RPTOR: variants seen among roughly 807,000 people sequenced by gnomAD.
The protein encoded by RPTOR is regulatory-associated protein of mTOR.
A neutral mutation model predicts 169.9 loss-of-function variants in RPTOR; 21 were observed. The observed-to-expected ratio is 0.12, with a 90% CI of 0.09 to 0.18. RPTOR has a LOEUF of 0.18. RPTOR is among the 10% of genes least tolerant of loss of function. The pLI is 1.00. For missense variants in RPTOR, 1,133 were observed against 1,855.9 expected, an observed-to-expected ratio of 0.61 and a Z score of 7.16; for synonymous variants, 732 against 753.2, an observed-to-expected ratio of 0.97 and a Z score of 0.46.
chr17:80,639,986 G>A (rs1567834281), intron 2 of RPTOR, among the ~76,000 whole-genome samples: 1 of 152,212 alleles, frequency 6.6e-6, no homozygotes. Context: ...TGTCCCATGA[G>A]GTGGGTTGGA....
intron 10 of RPTOR, among the ~76,000 whole-genome samples, chr17:80,839,806 C>T (rs1433381908): frequency 6.6e-6 from 1 of 152,206 alleles, no homozygotes; most frequent in Non-Finnish European, 1.5e-5. Context: ...TAAAATAATG[C>T]AGTTTCTATT....
Position 80,867,676 on chromosome 17 carries a change from G to C in RPTOR, c.1509+9776G>C, listed in dbSNP as rs926989313. 2.6e-4 allele frequency among the ~76,000 whole-genome samples: 40 copies of C among 152,206 alleles called. 1 individual carries two copies. The highest frequency in any genetic ancestry group is 9.6e-4 in the African/African-American group (40 of 41,518). The stretch of plus-strand genomic sequence containing the variant: ...TAGAAAAAATTTAGTAAGTTTGCAG[G>C]TTATAAGATCAATATACAAAAATCA... On this transcript the variant is annotated intron_variant, in intron 13 of 33. Coordinates refer to ENST00000306801, the MANE Select transcript of RPTOR (RefSeq NM_020761.3).
chr17:80,896,317 T>C (rs60189970), intron 20 of RPTOR, among the ~76,000 whole-genome samples: 109,620 of 150,612 alleles, frequency 0.73, 40,320 homozygotes, highest in Admixed American at 0.79. Context: ...GCTCCATTCT[T>C]AGCAGCACCC....
intron 8 of RPTOR, 105 bp from the exon 9 acceptor site, chr17:80,822,974 A>T (rs1039112745): frequency 7.9e-7 from 1 of 1,264,628 alleles, no homozygotes; most frequent in Non-Finnish European, 1.1e-6. Context: ...TATGCATATT[A>T]GTCCCAACTT....
chr17:80,678,353 C>T (rs1162909207), intron 3 of RPTOR, among the ~76,000 whole-genome samples: 14 of 152,170 alleles, frequency 9.2e-5, no homozygotes. Flanking sequence ...GCCTATAATC[C>T]CAGCAGTTTG....
chr17:80,688,708 G>A (rs1444885993), intron 3 of RPTOR, among the ~76,000 whole-genome samples: 4 of 152,248 alleles, frequency 2.6e-5, no homozygotes, highest in Non-Finnish European at 5.9e-5. Context: ...TGTAGAGGCA[G>A]CCAGTGTTAC....
rs1410851779 is a variant in RPTOR at position 80,959,181 on chromosome 17, T to A, written c.3478-897T>A. On this transcript the variant is annotated intron_variant, in intron 29 of 33. Transcript: ENST00000306801. This position sits in a 1 kb window ranked among gnomAD's most constrained non-coding sequence, Gnocchi z 6.7. ...GCCTCCCCTCTGACGTGACCGTGGA[T>A]CCCTCGAGGCACCAGCAGCTTTCAT... 2.7e-4 allele frequency among the ~76,000 whole-genome samples: 41 copies of A among 152,314 alleles called. No homozygotes were observed. Among genetic ancestry groups the A allele is most frequent in the Admixed American group, 2.7e-3 (41 of 15,304 alleles).
chr17:80,865,568 A>G (rs2067979173), intron 13 of RPTOR, among the ~76,000 whole-genome samples: 1 of 152,170 alleles, frequency 6.6e-6, no homozygotes. Flanking sequence ...ACATTTCATA[A>G]TGCTACGGAA....
At chr17:80,660,921 A>G (rs537383852) in intron 3 of RPTOR, among the ~76,000 whole-genome samples, 3 of 151,166 alleles carry the variant, frequency 2.0e-5, no homozygotes, top group African/African-American at 7.3e-5. Flanking sequence ...CACCTGCTGG[A>G]AACAAGGCAA....
At chr17:80,951,856 G>A (rs1253511370) in intron 28 of RPTOR, among the ~76,000 whole-genome samples, 1 of 152,162 alleles carries the variant, frequency 6.6e-6, no homozygotes, top group Non-Finnish European at 1.5e-5. Flanking sequence ...CGGGTACGTC[G>A]GCCTATGTGC....
chr17:80,711,559 A>AT (rs1567870033), intron 4 of RPTOR, among the ~76,000 whole-genome samples: 1 of 151,990 alleles, frequency 6.6e-6, no homozygotes, highest in Non-Finnish European at 1.5e-5. Flanking sequence ...ATTAGTAGGC[A>AT]TTTTTTTACT....
intron 6 of RPTOR, among the ~76,000 whole-genome samples, chr17:80,759,391 A>G (rs1472199115): frequency 7.9e-5 from 12 of 152,188 alleles, no homozygotes; most frequent in East Asian, 1.9e-4. Context: ...TAGGAAGTGC[A>G]GTGAAAAACA....
intron 3 of RPTOR, among the ~76,000 whole-genome samples, chr17:80,664,610 C>T (rs2065749969): frequency 6.6e-6 from 1 of 152,114 alleles, no homozygotes; most frequent in African/African-American, 2.4e-5. Context: ...TGCTGGTCTC[C>T]TAAGAAGCAC....
intron 5 of RPTOR, among the ~76,000 whole-genome samples, chr17:80,749,400 C>T (rs1299022560): frequency 1.5e-5 from 1 of 68,504 alleles, no homozygotes; most frequent in Admixed American, 1.5e-4. Flanking sequence ...GACGCCGTGG[C>T]GGGAGGACCT....
intron 7 of RPTOR, among the ~76,000 whole-genome samples, chr17:80,800,060 G>T (rs1376620129): frequency 6.6e-6 from 1 of 152,224 alleles, no homozygotes; most frequent in Non-Finnish European, 1.5e-5. Context: ...TGGCCCCCTG[G>T]CCGAGAGCCT....
At chr17:80,961,247 G>A (rs548854728) in intron 30 of RPTOR, 147 bp from the exon 31 acceptor site, 10 of 677,808 alleles carry the variant, frequency 1.5e-5, no homozygotes, top group Non-Finnish European at 2.4e-5. Flanking sequence ...GACCCTGCGT[G>A]AGCACTAGCC....
In RPTOR at chr17:80,936,131, C is replaced by T. The variant is rs565845711; in HGVS notation, c.2920-4365C>T. 2.6e-5 allele frequency among the ~76,000 whole-genome samples: 4 copies of T among 152,278 alleles called. No individual in the cohort carries two copies. Among genetic ancestry groups the T allele is most frequent in the East Asian group, 1.9e-4 (1 of 5,184 alleles). ...TGCTCATTGTTAAGGATCTTAATCA[C>T]GGGAAAGTACGGACCCCTGCAGTGA... On this transcript the variant is annotated intron_variant, in intron 24 of 33. Transcript: ENST00000306801. The surrounding 1 kb of genome is among the most constrained non-coding windows in gnomAD (Gnocchi z 4.1).
In RPTOR at chr17:80,691,834, C is replaced by T. The variant is rs746853674; in HGVS notation, c.349-16007C>T. On this transcript the variant is annotated intron_variant, in intron 3 of 33. Coordinates refer to ENST00000306801, the MANE Select transcript of RPTOR (RefSeq NM_020761.3). ...GTGTTTCAAAGATAAAATACGAAGG[C>T]GCTCTTACACATCCAGGTTCAGGTC... is the stretch of plus-strand genomic sequence containing the variant. 1.7e-4 allele frequency among the ~76,000 whole-genome samples: 26 copies of T among 152,170 alleles called. 1 individual carries two copies. The highest frequency in any genetic ancestry group is 1.2e-3 in the Admixed American group (19 of 15,276).
chr17:80,586,692 G>A (rs945501596), intron 1 of RPTOR, among the ~76,000 whole-genome samples: 3 of 152,112 alleles, frequency 2.0e-5, no homozygotes, highest in African/African-American at 7.2e-5. Context: ...GCAGCTTCCT[G>A]TCCTGCCCAT....
Sources: gnomAD v4.1 joint callset for allele counts (sites outside exome capture counted in the v4.1 genomes callset) on GRCh38, gnomAD v4.1.1 for gene constraint, Gnocchi (gnomAD v3.1) non-coding constraint, MANE v1.5 for transcripts, NCBI Gene and HGNC (gene_info 2026-07-23, HGNC 2026-07-21) for gene names.